The following ANKS1B variants were observed in gnomAD, a reference collection of about 807,000 sequenced individuals.
ANKS1B encodes the protein ankyrin repeat and sterile alpha motif domain-containing protein 1B.
Under a neutral mutation model 148.3 loss-of-function variants are expected in ANKS1B, and 36 were observed. That is an observed-to-expected ratio of 0.24 (90% CI 0.19 to 0.32). The LOEUF is 0.32. Among genes scored for constraint, ANKS1B ranks in the 10% least tolerant of loss-of-function variants. ANKS1B has a pLI of 1.00. For missense variants in ANKS1B, 1,157 were observed against 1,542.6 expected (o/e 0.75, Z 4.19); for synonymous variants, 542 against 560.8 (o/e 0.97, Z 0.47).
intron 1 of ANKS1B, among the ~76,000 whole-genome samples, chr12:99,864,842 T>C (rs1483862462): frequency 1.3e-5 from 2 of 152,236 alleles, no homozygotes; most frequent in East Asian, 3.9e-4. Context: ...CCAAGCAGAA[T>C]GCACTGATGA....
intron 14 of ANKS1B, among the ~76,000 whole-genome samples, chr12:99,160,554 T>C (rs1432348855): frequency 1.3e-5 from 2 of 151,274 alleles, no homozygotes; most frequent in Admixed American, 1.3e-4. Context: ...TTCACCATGT[T>C]AGCCAGGATG....
chr12:99,329,507 T>A (rs183470682), intron 12 of ANKS1B, among the ~76,000 whole-genome samples: 1 of 152,052 alleles, frequency 6.6e-6, no homozygotes, highest in Non-Finnish European at 1.5e-5. Flanking sequence ...TCTTGATATA[T>A]AATTTTAAGC....
intron 13 of ANKS1B, 73 bp downstream of exon 13, chr12:99,246,202 T>G: frequency 8.2e-7 from 1 of 1,212,520 alleles, no homozygotes. Flanking sequence ...GCTAAAAAGC[T>G]GAAAATCCTT....
intron 14 of ANKS1B, among the ~76,000 whole-genome samples, chr12:99,158,941 G>A (rs2076359429): frequency 6.6e-6 from 1 of 152,180 alleles, no homozygotes; most frequent in Non-Finnish European, 1.5e-5. Context: ...TGGTGAGTGT[G>A]GCTGAGAGGT....
chr12:98,936,174 G>C (rs543511197), intron 17 of ANKS1B, among the ~76,000 whole-genome samples: 3 of 152,290 alleles, frequency 2.0e-5, no homozygotes, highest in African/African-American at 7.2e-5. Flanking sequence ...ACCAGTCTTA[G>C]GGAGTAAAAA....
intron 21 of ANKS1B, 73 bp from the exon 22 acceptor site, chr12:98,799,078 T>C: frequency 3.6e-6 from 4 of 1,109,962 alleles, no homozygotes; most frequent in Non-Finnish European, 5.0e-6. Flanking sequence ...AAACAAATTG[T>C]GGAAGTATTA....
At chr12:99,536,028 G>C (rs1027548466) in intron 9 of ANKS1B, among the ~76,000 whole-genome samples, 1 of 152,098 alleles carries the variant, frequency 6.6e-6, no homozygotes, top group South Asian at 2.1e-4. Context: ...TCTACAAACT[G>C]TCTTGCACTC....
At chr12:98,914,678 A>G (rs1177022364) in intron 17 of ANKS1B, among the ~76,000 whole-genome samples, 9 of 151,796 alleles carry the variant, frequency 5.9e-5, no homozygotes, top group Admixed American at 4.6e-4. Context: ...ATTTTTCTAC[A>G]TCGGGGTGTT....
chr12:99,144,042 G>C (rs1403150878), intron 15 of ANKS1B, among the ~76,000 whole-genome samples: 1 of 152,082 alleles, frequency 6.6e-6, no homozygotes, highest in East Asian at 1.9e-4. Flanking sequence ...ACTACATACT[G>C]TGTAACATTT....
chr12:98,943,538 G>A (rs1012088670), intron 17 of ANKS1B, among the ~76,000 whole-genome samples: 1 of 152,114 alleles, frequency 6.6e-6, no homozygotes, highest in African/African-American at 2.4e-5. Flanking sequence ...ATCTGTAGAA[G>A]GGGGGCTGCT....
chr12:99,641,083 T>C (rs193117955), intron 9 of ANKS1B, among the ~76,000 whole-genome samples: 1 of 152,312 alleles, frequency 6.6e-6, no homozygotes, highest in Admixed American at 6.5e-5. Context: ...ACATTGCACA[T>C]ATTAGAATGC....
At chr12:99,431,608 C>T (rs972436397) in intron 11 of ANKS1B, among the ~76,000 whole-genome samples, 1 of 152,092 alleles carries the variant, frequency 6.6e-6, no homozygotes. Flanking sequence ...ATATATTTGA[C>T]AATGGAAACT....
In ANKS1B at chr12:99,262,966, CTCTTTA is replaced by C. The variant is rs371012994; in HGVS notation, c.1757-16108_1757-16103del. ...TTTTCATCAGTAAATTTTTGTTTCT[CTCTTTA>C]TAAGTTAATAGCTAATATTACTGAG... is the stretch of plus-strand genomic sequence containing the variant. On this transcript the variant is annotated intron_variant, in intron 12 of 26. Transcript: ENST00000683438. Among the ~76,000 whole-genome samples, 222 of 152,100 alleles carry C rather than the reference CTCTTTA, an allele frequency of 1.5e-3. 2 individuals carry two copies. Among genetic ancestry groups the C allele is most frequent in the African/African-American group, 5.1e-3 (212 of 41,506 alleles).
intron 17 of ANKS1B, among the ~76,000 whole-genome samples, chr12:98,889,571 T>C (rs2099747838): frequency 6.6e-6 from 1 of 152,196 alleles, no homozygotes. Flanking sequence ...GGTTTCAAAC[T>C]CCGGGGCTCA....
intron 17 of ANKS1B, among the ~76,000 whole-genome samples, chr12:98,928,153 T>C (rs556547067): frequency 2.0e-5 from 3 of 151,644 alleles, no homozygotes; most frequent in Non-Finnish European, 4.4e-5. Flanking sequence ...GGGAATGCCA[T>C]GAACAACTGT....
chr12:99,750,702 G>A (rs187604350), intron 8 of ANKS1B, among the ~76,000 whole-genome samples: 1 of 151,960 alleles, frequency 6.6e-6, no homozygotes, highest in East Asian at 1.9e-4. Context: ...TACCTCACCT[G>A]TATCTTCCAT....
intron 1 of ANKS1B, among the ~76,000 whole-genome samples, chr12:99,887,382 G>A (rs1318214681): frequency 6.6e-6 from 1 of 152,162 alleles, no homozygotes; most frequent in East Asian, 1.9e-4. Flanking sequence ...ATGACTATGG[G>A]TTGGATTAAA....
chr12:99,741,716 A>T (rs2060131608), intron 8 of ANKS1B, among the ~76,000 whole-genome samples: 1 of 152,014 alleles, frequency 6.6e-6, no homozygotes, highest in Non-Finnish European at 1.5e-5. Context: ...GGACACAGGG[A>T]GGGGAACATC....
chr12:99,724,504 T>C (rs1001355935), intron 8 of ANKS1B, among the ~76,000 whole-genome samples: 1 of 152,088 alleles, frequency 6.6e-6, no homozygotes, highest in Non-Finnish European at 1.5e-5. Flanking sequence ...TATAGGATTA[T>C]GTAAAAAGAC....
Sources: gnomAD v4.1 joint callset for allele counts (sites outside exome capture counted in the v4.1 genomes callset) on GRCh38, gnomAD v4.1.1 for gene constraint, MANE v1.5 for transcripts, NCBI Gene and HGNC (gene_info 2026-07-23, HGNC 2026-07-21) for gene names.